Variants in FSTL5 observed in about 807,000 individuals in gnomAD.
FSTL5 encodes the protein follistatin-related protein 5.
FSTL5 carries 62 observed loss-of-function variants against 89.1 expected under a neutral mutation model. That is an observed-to-expected ratio of 0.70 (90% CI 0.57 to 0.86). FSTL5 has a LOEUF of 0.86. FSTL5 is among the 40% of genes least tolerant of loss of function. The pLI is 0.00. For missense variants in FSTL5, 1,057 were observed against 1,001.6 expected, an observed-to-expected ratio of 1.06 and a Z score of -0.75; for synonymous variants, 383 against 346.2, an observed-to-expected ratio of 1.11 and a Z score of -1.18.
At chr4:161,442,988 AT>A (rs1366769807) in intron 15 of FSTL5, among the ~76,000 whole-genome samples, 4 of 151,882 alleles carry the variant, frequency 2.6e-5, no homozygotes, top group African/African-American at 7.3e-5. Flanking sequence ...ATCATAACTT[AT>A]TTTTTTCTTA....
chr4:161,728,957 A>T (rs1180059644), intron 6 of FSTL5, among the ~76,000 whole-genome samples: 1 of 152,056 alleles, frequency 6.6e-6, no homozygotes, highest in East Asian at 1.9e-4. Flanking sequence ...TAGCTACCTT[A>T]TCACTAATCT....
chr4:161,805,103 CT>C (rs1268717018), intron 4 of FSTL5, among the ~76,000 whole-genome samples: 1 of 152,026 alleles, frequency 6.6e-6, no homozygotes, highest in African/African-American at 2.4e-5. Context: ...ATTGTTTCAC[CT>C]AACATCTTTG....
chr4:161,854,021 C>A (rs1350454901), intron 4 of FSTL5, among the ~76,000 whole-genome samples: 1 of 152,058 alleles, frequency 6.6e-6, no homozygotes, highest in African/African-American at 2.4e-5. Context: ...ATAATAAAAG[C>A]TATCATAACA....
intron 10 of FSTL5, among the ~76,000 whole-genome samples, chr4:161,533,176 A>G (rs1443637351): frequency 6.6e-6 from 1 of 151,892 alleles, no homozygotes; most frequent in African/African-American, 2.4e-5. Flanking sequence ...AGGAAAAAAA[A>G]AAAAAAGGCA....
At chr4:161,938,050 C>A (rs1734480605) in intron 3 of FSTL5, among the ~76,000 whole-genome samples, 1 of 152,106 alleles carries the variant, frequency 6.6e-6, no homozygotes. Flanking sequence ...TTCCTTTATA[C>A]TCTTCCTTAC....
Position 161,740,866 on chromosome 4 carries a change from T to C in FSTL5, c.727+18545A>G, listed in dbSNP as rs200733205. Among the ~76,000 whole-genome samples the C allele has an allele frequency of 2.0e-5, 3 of 152,300 alleles. No individual in the cohort carries two copies. In the East Asian group the frequency reaches 5.8e-4, roughly 29 times the overall value. ...ATTTATTTCCCAAAGCTCTGGAGGC[T>C]GCAAATTCCAAGATCAAGGTGCTGA... On this transcript the variant is annotated intron_variant, in intron 6 of 15. Transcript: ENST00000306100.
chr4:162,156,804 C>A (rs994920497), intron 1 of FSTL5, among the ~76,000 whole-genome samples: 1 of 152,016 alleles, frequency 6.6e-6, no homozygotes, highest in Admixed American at 6.6e-5. Flanking sequence ...ATGCTCAGTA[C>A]CTGGGTGGTG....
intron 4 of FSTL5, among the ~76,000 whole-genome samples, chr4:161,820,821 A>G (rs1395493960): frequency 2.0e-5 from 3 of 152,130 alleles, no homozygotes; most frequent in Non-Finnish European, 4.4e-5. Context: ...TCATATGAGC[A>G]TTAAAAAGAT....
At chr4:161,508,066 T>C (rs1011724805) in intron 11 of FSTL5, among the ~76,000 whole-genome samples, 1 of 152,020 alleles carries the variant, frequency 6.6e-6, no homozygotes, top group Admixed American at 6.5e-5. Context: ...TATTCTAAAT[T>C]GTAAAAATGA....
At chr4:161,388,860 A>C (rs1197613416) in intron 15 of FSTL5, among the ~76,000 whole-genome samples, 1 of 152,096 alleles carries the variant, frequency 6.6e-6, no homozygotes, top group Non-Finnish European at 1.5e-5. Context: ...TTTAACTTTG[A>C]TACTACCGAA....
chr4:161,877,533 A>G lies in FSTL5; in HGVS notation c.409+42871T>C, dbSNP rs1357628951. The stretch of plus-strand genomic sequence containing the variant: ...AAAAAACTTCAGTAATATTTTTGAC[A>G]TACAACTTATTAAAAATTAATCCAG... On this transcript the variant is annotated intron_variant, in intron 4 of 15. Transcript: ENST00000306100. Among the ~76,000 whole-genome samples the G allele has an allele frequency of 2.6e-5, 4 of 151,606 alleles. No homozygotes were observed. The East Asian group carries it at 7.9e-4, about 30-fold the overall frequency.
At chr4:161,657,646 C>A (rs1271331047) in intron 6 of FSTL5, among the ~76,000 whole-genome samples, 1 of 152,070 alleles carries the variant, frequency 6.6e-6, no homozygotes, top group Non-Finnish European at 1.5e-5. Context: ...CCTGTCTTCC[C>A]CTTGAGATGC....
intron 4 of FSTL5, among the ~76,000 whole-genome samples, chr4:161,791,154 A>G (rs896490356): frequency 3.3e-5 from 5 of 152,276 alleles, no homozygotes; most frequent in Middle Eastern, 3.4e-3. Flanking sequence ...AAAGATGGCA[A>G]GCATTTGAGA....
At chr4:161,431,040 C>T (rs953176535) in intron 15 of FSTL5, among the ~76,000 whole-genome samples, 3 of 152,002 alleles carry the variant, frequency 2.0e-5, no homozygotes, top group Admixed American at 2.0e-4. Flanking sequence ...ATCAGACCTG[C>T]CCTACAAAAA....
intron 1 of FSTL5, among the ~76,000 whole-genome samples, chr4:162,153,917 T>C (rs939018437): frequency 7.3e-5 from 11 of 151,316 alleles, no homozygotes; most frequent in Non-Finnish European, 1.2e-4. Flanking sequence ...GTGATTCTCC[T>C]GTCTGATCCT....
chr4:161,474,302 A>T (rs1288568940), intron 13 of FSTL5, among the ~76,000 whole-genome samples: 1 of 152,178 alleles, frequency 6.6e-6, no homozygotes, highest in Non-Finnish European at 1.5e-5. Context: ...TAAACAAATA[A>T]TTATTTTAAA....
chr4:162,003,727 G>T (rs757953165), intron 3 of FSTL5, among the ~76,000 whole-genome samples: 2 of 152,146 alleles, frequency 1.3e-5, no homozygotes, highest in Non-Finnish European at 1.5e-5. Context: ...TGGCATAAAT[G>T]TAATATCTTT....
At chr4:162,042,381 G>A (rs1046588265) in intron 2 of FSTL5, among the ~76,000 whole-genome samples, 1 of 152,036 alleles carries the variant, frequency 6.6e-6, no homozygotes, top group African/African-American at 2.4e-5. Flanking sequence ...GTGTCAAATA[G>A]AGTCTTTAAG....
At chr4:161,944,785 T>C in intron 3 of FSTL5, among the ~76,000 whole-genome samples, 1 of 151,948 alleles carries the variant, frequency 6.6e-6, no homozygotes, top group South Asian at 2.1e-4. Flanking sequence ...ATAGTTTGGT[T>C]AGTATTTAAT....
Sources: gnomAD v4.1 joint callset for allele counts (sites outside exome capture counted in the v4.1 genomes callset) on GRCh38, gnomAD v4.1.1 for gene constraint, MANE v1.5 for transcripts, NCBI Gene and HGNC (gene_info 2026-07-23, HGNC 2026-07-21) for gene names.